Variants in PARD3B observed in about 807,000 individuals in gnomAD.
PARD3B encodes the protein partitioning defective 3 homolog B.
PARD3B carries 103 observed loss-of-function variants against 130.2 expected under a neutral mutation model. That is an observed-to-expected ratio of 0.79 (90% CI 0.67 to 0.93). The LOEUF is 0.93. PARD3B is among the 40% of genes least tolerant of loss of function. PARD3B has a pLI of 0.00. For synonymous variants in PARD3B, 583 were observed against 553.2 expected (o/e 1.05, Z -0.76); for missense variants, 1,609 against 1,499.2 (o/e 1.07, Z -1.21).
intron 1 of PARD3B, among the ~76,000 whole-genome samples, chr2:204,584,694 T>A (rs899073486): frequency 2.4e-4 from 37 of 152,142 alleles, no homozygotes; most frequent in African/African-American, 8.9e-4. Context: ...AGCTCTCCAG[T>A]CCCTCATTTT....
Position 205,309,907 on chromosome 2 carries a change from TC to T in PARD3B, c.2630+8207del, listed in dbSNP as rs2042315258. ...TACTTCTTATCCATCTATCTATCTA[TC>T]TATCTATCTATCTATCTATCATCTA... is the stretch of plus-strand genomic sequence containing the variant. On this transcript the variant is annotated intron_variant, in intron 18 of 22. Coordinates refer to ENST00000406610, the MANE Select transcript of PARD3B (RefSeq NM_001302769.2). The surrounding 1 kb of genome is among the most constrained non-coding windows in gnomAD (Gnocchi z 4.7). Among the ~76,000 whole-genome samples the T allele has an allele frequency of 2.9e-4, 10 of 34,850 alleles. No homozygotes were observed. The South Asian group carries it at 0.03, about 106-fold the overall frequency. 22.9% of individuals were successfully genotyped at this position (34,850 alleles called of 152,430 possible).
intron 4 of PARD3B, among the ~76,000 whole-genome samples, chr2:205,060,533 T>C (rs1487806849): frequency 6.6e-6 from 1 of 152,148 alleles, no homozygotes; most frequent in African/African-American, 2.4e-5. Flanking sequence ...TTTGTCAGGT[T>C]AAGCAAGTGT....
chr2:204,965,205 T>C lies in PARD3B; in HGVS notation c.276T>C (p.Ser92=), dbSNP rs769717181. The change falls in exon 3 of 23, where the codon AGT becomes AGC. Residue 92 remains serine (S), a synonymous_variant. Coordinates refer to ENST00000406610, the MANE Select transcript of PARD3B (RefSeq NM_001302769.2). ...QEPLHKIESP[S]GNPADRQSPD... ...CACTCCACAAGATTGAGAGCCCCAG[T>C]GGAAACCCTGCAGATCGGCAGAGCC... 1.2e-6 allele frequency: 2 copies of C among 1,613,954 alleles called. No homozygotes were observed.
At chr2:204,976,603 ATTTTTTTTT>A (rs35902126) in intron 3 of PARD3B, among the ~76,000 whole-genome samples, 1 of 83,206 alleles carries the variant, frequency 1.2e-5, no homozygotes, top group Non-Finnish European at 2.3e-5. Flanking sequence ...TAGGTAATTG[ATTTTTTTTT>A]TTTTTTTTTT....
intron 11 of PARD3B, among the ~76,000 whole-genome samples, chr2:205,159,781 T>G (rs2034402919): frequency 1.3e-5 from 2 of 152,208 alleles, no homozygotes; most frequent in Admixed American, 6.5e-5. Flanking sequence ...TCTCTCCCTG[T>G]GCATGTAGGT....
chr2:205,248,162 A>G (rs1559584338), intron 16 of PARD3B, among the ~76,000 whole-genome samples: 1 of 152,036 alleles, frequency 6.6e-6, no homozygotes, highest in Non-Finnish European at 1.5e-5. Flanking sequence ...GTTAGCGTCA[A>G]ACTCTTCTGG....
chr2:205,046,266 A>T (rs1284108001), intron 3 of PARD3B, among the ~76,000 whole-genome samples: 8 of 151,446 alleles, frequency 5.3e-5, no homozygotes, highest in Non-Finnish European at 8.8e-5. Context: ...TTTTTTTTTA[A>T]AAATGTTTTA....
chr2:204,964,013 C>T (rs1251975359), intron 2 of PARD3B, among the ~76,000 whole-genome samples: 5 of 152,170 alleles, frequency 3.3e-5, no homozygotes. Flanking sequence ...TTGGTTAACC[C>T]TGCATTTCTG....
rs114748840 is a variant in PARD3B, at chr2:205,509,989, A to T, written c.3180+9958A>T. ...TCTTCTAAACTACTCCTGTCCACTC[A>T]TCCTGTCTTTTGAAACACACAGATG... is the stretch of plus-strand genomic sequence containing the variant. On this transcript the variant is annotated intron_variant, in intron 21 of 22. Transcript: ENST00000406610. Among the ~76,000 whole-genome samples, 79 of 152,358 alleles carry T rather than the reference A, an allele frequency of 5.2e-4. 1 individual carries two copies. The highest frequency in any genetic ancestry group is 1.7e-3 in the African/African-American group (70 of 41,586).
At chr2:205,494,040 G>A (rs148539362) in intron 20 of PARD3B, among the ~76,000 whole-genome samples, 3 of 151,962 alleles carry the variant, frequency 2.0e-5, no homozygotes, top group Non-Finnish European at 2.9e-5. Context: ...GATTACAGGC[G>A]TGAGCCACCT....
At chr2:205,333,815 G>C (rs972549368) in intron 18 of PARD3B, among the ~76,000 whole-genome samples, 2 of 151,958 alleles carry the variant, frequency 1.3e-5, no homozygotes, top group African/African-American at 2.4e-5. Flanking sequence ...CTAAGATGGT[G>C]GTGGGCCTGT....
In PARD3B at chr2:205,585,090, G is replaced by C. The variant is rs549399218; in HGVS notation, c.3261-30366G>C. Among the ~76,000 whole-genome samples the C allele has an allele frequency of 6.6e-6, 1 of 152,322 alleles. No homozygotes were observed. The highest frequency in any genetic ancestry group is 1.9e-4 in the East Asian group (1 of 5,168). On this transcript the variant is annotated intron_variant, in intron 22 of 22. Coordinates refer to ENST00000406610, the MANE Select transcript of PARD3B (RefSeq NM_001302769.2). The surrounding 1 kb of genome is among the most constrained non-coding windows in gnomAD (Gnocchi z 5.4). The stretch of plus-strand genomic sequence containing the variant: ...AACCAAAATGGAGGCCTGGATAGTG[G>C]AGGCGTGAAAATAGATCCTTCGTAA...
At chr2:205,435,441 T>G (rs953636136) in intron 19 of PARD3B, among the ~76,000 whole-genome samples, 1 of 152,094 alleles carries the variant, frequency 6.6e-6, no homozygotes, top group African/African-American at 2.4e-5. Context: ...ATAAAGAAAT[T>G]TATTCCATTT....
At chr2:205,074,246 A>G (rs1199180545) in intron 4 of PARD3B, among the ~76,000 whole-genome samples, 3 of 152,220 alleles carry the variant, frequency 2.0e-5, no homozygotes, top group African/African-American at 7.2e-5. Context: ...ATAAAAACAA[A>G]GACATTAATT....
chr2:204,945,082 G>A (rs1689207604), intron 2 of PARD3B, among the ~76,000 whole-genome samples: 1 of 152,184 alleles, frequency 6.6e-6, no homozygotes, highest in African/African-American at 2.4e-5. Context: ...AAGATTTAAG[G>A]TAGTGTTACA....
chr2:204,759,420 T>C (rs1405491088), intron 2 of PARD3B, among the ~76,000 whole-genome samples: 1 of 152,168 alleles, frequency 6.6e-6, no homozygotes, highest in Non-Finnish European at 1.5e-5. Context: ...AGAAATGTTT[T>C]TATATACCAT....
At chr2:205,471,108 G>C in intron 20 of PARD3B, among the ~76,000 whole-genome samples, 1 of 152,080 alleles carries the variant, frequency 6.6e-6, no homozygotes, top group South Asian at 2.1e-4. Flanking sequence ...CCATGTTGAA[G>C]TTTGTTGTCC....
At chr2:205,286,496 TA>T (rs894825622) in intron 16 of PARD3B, among the ~76,000 whole-genome samples, 1 of 152,224 alleles carries the variant, frequency 6.6e-6, no homozygotes, top group Non-Finnish European at 1.5e-5. Context: ...ACATGCCTCC[TA>T]TATCAAATCT....
At position 205,172,211 on chromosome 2, in the gene PARD3B, G is replaced by A. The variant is rs1324926613; in HGVS notation, c.1621G>A (p.Asp541Asn). 1.9e-6 allele frequency: 3 copies of A among 1,613,680 alleles called. No homozygotes were observed. Among genetic ancestry groups the A allele is most frequent in the Admixed American group, 1.7e-5 (1 of 59,978 alleles). ...SIIHGGAAFKDGRLRMNDQLI... is the reference protein window; with the variant it reads ...SIIHGGAAFKNGRLRMNDQLI... ...ATTGTTTTCCTTTCTTCTGCCTTAG[G>A]ATGGTCGTCTGCGAATGAATGACCA... is the stretch of plus-strand genomic sequence containing the variant. The change falls in exon 12 of 23, where the codon GAT becomes AAT. Residue 541 changes from aspartate (D) to asparagine (N), a missense_variant and splice_region_variant. Physicochemically the swap from Asp to Asn is conservative, Grantham distance 23. Transcript: ENST00000406610.
Sources: allele counts gnomAD v4.1 joint callset (sites outside exome capture counted in the v4.1 genomes callset), GRCh38; gene constraint gnomAD v4.1.1; non-coding constraint Gnocchi (gnomAD v3.1); transcripts MANE v1.5; gene names NCBI Gene and HGNC (gene_info 2026-07-23, HGNC 2026-07-21).